Variants in LRRK2 observed in about 807,000 individuals in gnomAD.
The protein encoded by LRRK2 is leucine-rich repeat serine/threonine-protein kinase 2.
A neutral mutation model predicts 302.6 loss-of-function variants in LRRK2; 203 were observed. The observed-to-expected ratio is 0.67, with a 90% confidence interval of 0.60 to 0.75. The LOEUF is 0.75. Among genes scored for constraint, LRRK2 ranks in the 30% least tolerant of loss-of-function variants. The pLI is 0.00. For missense variants in LRRK2, 2,830 were observed against 2,951.0 expected (o/e 0.96, Z 0.95); for synonymous variants, 1,066 against 1,031.9 (o/e 1.03, Z -0.63).
At chr12:40,289,865 A>T (rs1042178824) in intron 20 of LRRK2, among the ~76,000 whole-genome samples, 4 of 151,854 alleles carry the variant, frequency 2.6e-5, no homozygotes, top group African/African-American at 4.8e-5. Flanking sequence ...GTTCACAATT[A>T]TACCATTTGG....
intron 38 of LRRK2, among the ~76,000 whole-genome samples, chr12:40,325,277 T>C (rs1177803921): frequency 1.3e-5 from 2 of 152,094 alleles, no homozygotes; most frequent in Non-Finnish European, 2.9e-5. Flanking sequence ...ACAGAGCGTC[T>C]CAAAACAAAA....
intron 11 of LRRK2, among the ~76,000 whole-genome samples, chr12:40,256,977 C>T (rs372461318): frequency 1.1e-4 from 17 of 152,052 alleles, no homozygotes; most frequent in Admixed American, 3.3e-4. Flanking sequence ...GACAGAGACA[C>T]GGTGATTACA....
At chr12:40,360,414 C>T (rs943313521) in intron 47 of LRRK2, among the ~76,000 whole-genome samples, 1 of 151,816 alleles carries the variant, frequency 6.6e-6, no homozygotes, top group African/African-American at 2.4e-5. Context: ...TTTTTTGCTC[C>T]CTTTATCCAC....
In LRRK2 at chr12:40,348,271, C is replaced by T. The variant is rs1365766; in HGVS notation, c.6281-138C>T. 0.81 allele frequency: 497,393 copies of T among 617,710 alleles called. 202,661 individuals carry two copies. Among genetic ancestry groups the T allele is most frequent in the Non-Finnish European group, 0.85 (302,921 of 355,610 alleles). 38.3% of individuals were successfully genotyped at this position (617,710 alleles called of 1,614,324 possible). On this transcript the variant is annotated intron_variant, in intron 42 of 50. Transcript: ENST00000298910. ...AACAAAATTAGCTTTAATTTTGTGA[C>T]AAGTAAATTTACATAAATATAGGAT...
In LRRK2 at chr12:40,303,987, C is replaced by T. The variant is rs1944718231; in HGVS notation, c.3630C>T (p.Tyr1210=). ...ATATGAGCAGCAATGATATTCAGTA[C>T]CTACCAGGTCCCGCACACTGGAAAT... ...SLDMSSNDIQ[Y]LPGPAHWKSL... The change falls in exon 27 of 51, where the codon TAC becomes TAT. Residue 1210 remains tyrosine (Y), a synonymous_variant. Transcript: ENST00000298910. 5 of 1,613,528 alleles carry T rather than the reference C, an allele frequency of 3.1e-6. No individual in the cohort carries two copies. The highest frequency in any genetic ancestry group is 4.2e-6 in the Non-Finnish European group (5 of 1,179,752).
intron 33 of LRRK2, among the ~76,000 whole-genome samples, chr12:40,317,527 TAA>T (rs1196625196): frequency 1.3e-5 from 2 of 152,090 alleles, no homozygotes; most frequent in African/African-American, 4.8e-5. Context: ...GTTAGGTCAC[TAA>T]ACTTATTAAA....
At chr12:40,326,401 G>A (rs1291617683) in intron 38 of LRRK2, among the ~76,000 whole-genome samples, 6 of 150,728 alleles carry the variant, frequency 4.0e-5, no homozygotes. Context: ...GGGAGGCGGA[G>A]CTTGCAGTGA....
chr12:40,232,007 T>C (rs1483297079), intron 2 of LRRK2, among the ~76,000 whole-genome samples: 1 of 151,872 alleles, frequency 6.6e-6, no homozygotes, highest in Non-Finnish European at 1.5e-5. Context: ...TTTCACCATC[T>C]TGGCCACATT....
chr12:40,367,567 A>G lies in LRRK2; in HGVS notation c.7463-77A>G, dbSNP rs1002380289. The G allele has an allele frequency of 4.1e-6, 6 of 1,456,710 alleles. No homozygotes were observed. In the Admixed American group the frequency reaches 6.0e-5, roughly 15 times the overall value. 90.2% of individuals were successfully genotyped at this position (1,456,710 alleles called of 1,614,324 possible). ...ATTTATCTAAGTCAACTAAAAATACATGAGCCAAACTGAAATAAAATAAGA... is the reference window on the plus strand; with the variant it reads ...ATTTATCTAAGTCAACTAAAAATACGTGAGCCAAACTGAAATAAAATAAGA... On this transcript the variant is annotated intron_variant, in intron 50 of 50. Transcript: ENST00000298910.
chr12:40,254,208 T>C lies in LRRK2; in HGVS notation c.1288+1192T>C, dbSNP rs138918037. ...AAAAAATAGAGAAAAACACTGAAAG[T>C]CAGAGACAGAGACCAGTGTAAGCAT... On this transcript the variant is annotated intron_variant, in intron 11 of 50. Transcript: ENST00000298910. Among the ~76,000 whole-genome samples the C allele has an allele frequency of 2.8e-4, 43 of 152,172 alleles. 1 individual carries two copies. The highest frequency in any genetic ancestry group is 9.2e-4 in the African/African-American group (38 of 41,516).
chr12:40,275,106 T>C (rs1269840759), intron 16 of LRRK2, 113 bp downstream of exon 16: 4 of 1,164,568 alleles, frequency 3.4e-6, no homozygotes, highest in African/African-American at 3.0e-5. Context: ...TGGAAAACCA[T>C]TTATCCTTTT....
chr12:40,258,431 C>T (rs1008932725), intron 12 of LRRK2, among the ~76,000 whole-genome samples: 10 of 152,022 alleles, frequency 6.6e-5, no homozygotes, highest in East Asian at 1.9e-4. Flanking sequence ...TTAATGGGGC[C>T]GGAAGTGTGC....
At position 40,335,169 on chromosome 12, in the gene LRRK2, A is replaced by T. The variant is rs1592305041; in HGVS notation, c.5948+12A>T. Reference sequence around the variant, plus strand: ...GCTGATGGTTTGAGGTAAGTAGGTCATGTTGTTTTCTATTCAGTGCATGAC... The same window carrying T: ...GCTGATGGTTTGAGGTAAGTAGGTCTTGTTGTTTTCTATTCAGTGCATGAC... On this transcript the variant is annotated intron_variant, in intron 40 of 50. Transcript: ENST00000298910. The T allele has an allele frequency of 6.2e-7, 1 of 1,613,844 alleles. No individual in the cohort carries two copies. The highest frequency in any genetic ancestry group is 8.5e-7 in the Non-Finnish European group (1 of 1,179,830).
intron 20 of LRRK2, among the ~76,000 whole-genome samples, chr12:40,290,025 A>G (rs1390317886): frequency 2.0e-5 from 3 of 151,974 alleles, no homozygotes; most frequent in Admixed American, 6.6e-5. Flanking sequence ...TAGAGGAAAA[A>G]CATACAGTCT....
At chr12:40,288,166 A>C (rs1944000722) in intron 20 of LRRK2, among the ~76,000 whole-genome samples, 1 of 151,780 alleles carries the variant, frequency 6.6e-6, no homozygotes, top group Non-Finnish European at 1.5e-5. Context: ...TAGAATAAGG[A>C]TATTTGAGAG....
At chr12:40,255,941 TG>T (rs1942479851) in intron 11 of LRRK2, among the ~76,000 whole-genome samples, 1 of 152,214 alleles carries the variant, frequency 6.6e-6, no homozygotes, top group Non-Finnish European at 1.5e-5. Context: ...TTTATTTCCA[TG>T]TTTTGTCCTA....
intron 5 of LRRK2, 97 bp from the exon 6 acceptor site, chr12:40,240,386 G>T: frequency 1.9e-6 from 2 of 1,060,506 alleles, no homozygotes; most frequent in Non-Finnish European, 1.4e-6. Context: ...TACACTTGAT[G>T]TATCTCACAC....
chr12:40,258,529 G>A (rs1035095807), intron 12 of LRRK2, among the ~76,000 whole-genome samples: 9 of 152,084 alleles, frequency 5.9e-5, no homozygotes, highest in African/African-American at 1.9e-4. Flanking sequence ...AATGTTTCTC[G>A]CTGCATGCTC....
At chr12:40,346,709 C>G (rs991441984) in intron 41 of LRRK2, 44 bp from the exon 42 acceptor site, 18 of 1,583,816 alleles carry the variant, frequency 1.1e-5, no homozygotes, top group Non-Finnish European at 1.6e-5. Flanking sequence ...GATGTATGAG[C>G]CCTGATGTTG....
Sources: gnomAD v4.1 joint callset for allele counts (sites outside exome capture counted in the v4.1 genomes callset) on GRCh38, gnomAD v4.1.1 for gene constraint, MANE v1.5 for transcripts, NCBI Gene and HGNC (gene_info 2026-07-23, HGNC 2026-07-21) for gene names.